ZNF407: variants seen among roughly 807,000 people sequenced by gnomAD.
The protein encoded by ZNF407 is zinc finger protein 407.
Under a neutral mutation model 131.2 loss-of-function variants are expected in ZNF407, and 17 were observed. That is an observed-to-expected ratio of 0.13 (90% confidence interval 0.09 to 0.19). The LOEUF (loss-of-function observed/expected upper bound fraction) is 0.19. Among genes scored for constraint, ZNF407 ranks in the 10% least tolerant of loss-of-function variants. The pLI, the probability that ZNF407 is intolerant of heterozygous loss-of-function variation, is 1.00. For missense variants in ZNF407, 2,681 were observed against 2,830.6 expected (o/e 0.95, Z 1.20); for synonymous variants, 1,156 against 1,062.0 (o/e 1.09, Z -1.72).
At chr18:74,960,223 G>A (rs1230969620) in intron 8 of ZNF407, among the ~76,000 whole-genome samples, 2 of 151,446 alleles carry the variant, frequency 1.3e-5, no homozygotes, top group South Asian at 2.1e-4. Flanking sequence ...TCCTGAGTGT[G>A]GACTGGGTGG....
intron 7 of ZNF407, among the ~76,000 whole-genome samples, chr18:74,903,755 C>G (rs1265078775): frequency 6.6e-6 from 1 of 152,178 alleles, no homozygotes; most frequent in Non-Finnish European, 1.5e-5. Flanking sequence ...GCCATCCAGG[C>G]AGGAGATTAG....
At chr18:74,877,415 T>G (rs1044929969) in intron 5 of ZNF407, 52 bp downstream of exon 5, 1 of 1,558,580 alleles carries the variant, frequency 6.4e-7, no homozygotes, top group African/African-American at 1.4e-5. Flanking sequence ...GTAGACTGGG[T>G]GGACTGTGGG....
intron 4 of ZNF407, among the ~76,000 whole-genome samples, chr18:74,816,450 G>A (rs190513972): frequency 2.9e-4 from 44 of 152,202 alleles, no homozygotes; most frequent in African/African-American, 8.4e-4. Flanking sequence ...CATAAGAATT[G>A]GGTACTTCCC....
chr18:74,882,958 A>G (rs1971258035), intron 6 of ZNF407, among the ~76,000 whole-genome samples: 1 of 152,220 alleles, frequency 6.6e-6, no homozygotes, highest in Non-Finnish European at 1.5e-5. Context: ...GCCCCAGGGA[A>G]CAACAGACTG....
chr18:74,675,178 T>C (rs1200662726), intron 3 of ZNF407, among the ~76,000 whole-genome samples: 3 of 152,242 alleles, frequency 2.0e-5, no homozygotes, highest in African/African-American at 7.2e-5. Context: ...TTTATACTTA[T>C]GCTTTCTCTG....
chr18:74,927,602 C>T (rs933767950), intron 8 of ZNF407, among the ~76,000 whole-genome samples: 5 of 152,124 alleles, frequency 3.3e-5, no homozygotes, highest in Non-Finnish European at 1.5e-5. Flanking sequence ...TCTGTTTTCT[C>T]AACTGCAAAA....
intron 4 of ZNF407, among the ~76,000 whole-genome samples, chr18:74,851,038 T>A (rs777681407): frequency 6.6e-6 from 1 of 152,218 alleles, no homozygotes; most frequent in Non-Finnish European, 1.5e-5. Flanking sequence ...TTACTTACGG[T>A]GTTCTTTGGT....
chr18:74,948,347 T>C (rs1322923523), intron 8 of ZNF407, among the ~76,000 whole-genome samples: 1 of 152,222 alleles, frequency 6.6e-6, no homozygotes, highest in East Asian at 1.9e-4. Context: ...TCACCTGAGC[T>C]TAGTCTTCAT....
chr18:74,881,606 CCTGT>C (rs777773617), intron 6 of ZNF407, among the ~76,000 whole-genome samples: 10 of 152,248 alleles, frequency 6.6e-5, no homozygotes, highest in Non-Finnish European at 1.2e-4. Context: ...TCCCCACCCG[CCTGT>C]CTATCAATCC....
intron 3 of ZNF407, among the ~76,000 whole-genome samples, chr18:74,739,584 T>C (rs1346316185): frequency 1.3e-5 from 2 of 151,042 alleles, no homozygotes; most frequent in East Asian, 3.9e-4. Context: ...CTTTGGACAA[T>C]TTTTTTTTGA....
chr18:75,059,829 T>G (rs1025825423), intron 8 of ZNF407, among the ~76,000 whole-genome samples: 1 of 152,170 alleles, frequency 6.6e-6, no homozygotes, highest in Admixed American at 6.5e-5. Context: ...CAGGCAGCGA[T>G]TCGGCCCCTG....
chr18:75,026,438 G>T (rs942371616), intron 8 of ZNF407, among the ~76,000 whole-genome samples: 1 of 152,158 alleles, frequency 6.6e-6, no homozygotes, highest in African/African-American at 2.4e-5. Flanking sequence ...TGAAAATTTT[G>T]CATTGGTAGG....
At chr18:74,656,201 T>A (rs914385521) in intron 3 of ZNF407, among the ~76,000 whole-genome samples, 2 of 152,130 alleles carry the variant, frequency 1.3e-5, no homozygotes, top group African/African-American at 4.8e-5. Flanking sequence ...AGATGCATCT[T>A]TGTGAATCAA....
At chr18:74,793,679 T>C (rs369248542) in intron 4 of ZNF407, among the ~76,000 whole-genome samples, 189 of 152,344 alleles carry the variant, frequency 1.2e-3, no homozygotes, top group African/African-American at 4.2e-3. Flanking sequence ...TGAGCAGCTA[T>C]TCAACTCATT....
At chr18:74,818,866 A>C (rs1227629345) in intron 4 of ZNF407, among the ~76,000 whole-genome samples, 1 of 4,028 alleles carries the variant, frequency 2.5e-4, no homozygotes, top group African/African-American at 2.6e-4. Context: ...ATTGAACAGT[A>C]AAAAAAAAAA....
intron 3 of ZNF407, among the ~76,000 whole-genome samples, chr18:74,723,563 TC>T (rs1968088881): frequency 6.6e-6 from 1 of 152,216 alleles, no homozygotes; most frequent in Admixed American, 6.5e-5. Flanking sequence ...TCTTCCTTGT[TC>T]CTACATGCTT....
At chr18:74,621,168 G>A (rs1459117582) in intron 1 of ZNF407, among the ~76,000 whole-genome samples, 5 of 151,942 alleles carry the variant, frequency 3.3e-5, no homozygotes, top group Non-Finnish European at 7.4e-5. Context: ...TATTTATGGG[G>A]TACATGAGAT....
chr18:74,945,036 C>T (rs1972139972), intron 8 of ZNF407, among the ~76,000 whole-genome samples: 1 of 152,128 alleles, frequency 6.6e-6, no homozygotes, highest in Admixed American at 6.6e-5. Context: ...ATTTGCTTGC[C>T]TGAATATACC....
rs536258300 is a variant in ZNF407 at position 74,779,411 on chromosome 18, G to C, written c.4803-2017G>C. Among the ~76,000 whole-genome samples, 375 of 151,956 alleles carry C rather than the reference G, an allele frequency of 2.5e-3. 1 individual carries two copies. The highest frequency in any genetic ancestry group is 5.4e-3 in the South Asian group (26 of 4,816). On this transcript the variant is annotated intron_variant, in intron 3 of 8. Coordinates refer to ENST00000299687, the MANE Select transcript of ZNF407 (RefSeq NM_017757.3). ...TTACAGGCGTGAGCCACCGCGCCCG[G>C]TCAGCTTATATATTTTTTTAACCGA...
Sources: allele counts gnomAD v4.1 joint callset (sites outside exome capture counted in the v4.1 genomes callset), GRCh38; gene constraint gnomAD v4.1.1; transcripts MANE v1.5; gene names NCBI Gene and HGNC (gene_info 2026-07-23, HGNC 2026-07-21).